The following COX7B2 variants were observed in gnomAD, a reference collection of about 807,000 sequenced individuals.
COX7B2 encodes cytochrome c oxidase subunit 7B2, mitochondrial.
For synonymous variants in COX7B2, 37 were observed against 32.1 expected (o/e 1.15, Z -0.51); for missense variants, 109 against 95.9 (o/e 1.14, Z -0.57).
At chr4:46,744,202 A>G (rs1271113784) in intron 2 of COX7B2, among the ~76,000 whole-genome samples, 1 of 151,612 alleles carries the variant, frequency 6.6e-6, no homozygotes, top group East Asian at 1.9e-4. Flanking sequence ...TCCGAGAAGG[A>G]TCCCCAGGCG....
chr4:46,734,908 G>A lies in COX7B2; in HGVS notation c.*39C>T, dbSNP rs1714261583. The A allele has an allele frequency of 1.8e-5, 29 of 1,612,780 alleles. No homozygotes were observed. The highest frequency in any genetic ancestry group is 2.5e-5 in the Non-Finnish European group (29 of 1,179,132). On this transcript the variant is annotated 3_prime_UTR_variant, in exon 3 of 3. Transcript: ENST00000355591. ...AGTAGAGTGCTTACATGACAAGTTG[G>A]TTTTTTAAACAATTCTGTCATTACA... is the stretch of plus-strand genomic sequence containing the variant.
intron 1 of COX7B2, among the ~76,000 whole-genome samples, chr4:46,854,490 T>C (rs1039020680): frequency 6.6e-6 from 1 of 152,216 alleles, no homozygotes; most frequent in Non-Finnish European, 1.5e-5. Flanking sequence ...CATTGCACAA[T>C]GCAGACACTT....
chr4:46,822,323 G>T (rs994663686), intron 2 of COX7B2, among the ~76,000 whole-genome samples: 8 of 151,952 alleles, frequency 5.3e-5, no homozygotes, highest in Non-Finnish European at 7.4e-5. Flanking sequence ...AAAAGTGAGA[G>T]ATTATAGCCG....
At chr4:46,826,719 A>T (rs1714722886) in intron 2 of COX7B2, among the ~76,000 whole-genome samples, 1 of 152,160 alleles carries the variant, frequency 6.6e-6, no homozygotes, top group Admixed American at 6.6e-5. Context: ...GGGAACATGG[A>T]TCGAGCTACA....
intron 2 of COX7B2, among the ~76,000 whole-genome samples, chr4:46,781,005 G>A (rs1717416005): frequency 6.6e-6 from 1 of 152,068 alleles, no homozygotes; most frequent in Non-Finnish European, 1.5e-5. Context: ...TCTACAGCTG[G>A]TAATGGATTT....
intron 1 of COX7B2, chr4:46,876,771 A>C (rs1718368211): frequency 6.6e-6 from 1 of 152,212 alleles, no homozygotes; most frequent in Non-Finnish European, 1.5e-5. Flanking sequence ...GAGAAATCTC[A>C]GCTGTGTTAA....
At chr4:46,794,103 T>C (rs1342252583) in intron 2 of COX7B2, among the ~76,000 whole-genome samples, 1 of 152,170 alleles carries the variant, frequency 6.6e-6, no homozygotes, top group East Asian at 1.9e-4. Context: ...AAAGGTGAGG[T>C]ACAAAGTATA....
chr4:46,845,080 A>G (rs1430819384), intron 1 of COX7B2, 66 bp from the exon 2 acceptor site: 1 of 152,086 alleles, frequency 6.6e-6, no homozygotes, highest in Non-Finnish European at 1.5e-5. Context: ...AGAGGTAAGT[A>G]CAGGCTATGT....
intron 2 of COX7B2, among the ~76,000 whole-genome samples, chr4:46,775,025 G>T (rs1717075249): frequency 2.0e-5 from 3 of 151,956 alleles, no homozygotes; most frequent in Admixed American, 2.0e-4. Flanking sequence ...AATAAAATTA[G>T]GTTTCTGTGG....
chr4:46,777,118 A>G (rs1300330327), intron 2 of COX7B2, among the ~76,000 whole-genome samples: 1 of 152,162 alleles, frequency 6.6e-6, no homozygotes, highest in African/African-American at 2.4e-5. Context: ...ATGGTCATTA[A>G]GGCTTACCAT....
chr4:46,846,652 G>A (rs1301507624), intron 1 of COX7B2, among the ~76,000 whole-genome samples: 3 of 151,822 alleles, frequency 2.0e-5, no homozygotes, highest in Non-Finnish European at 4.4e-5. Flanking sequence ...ATTCTGGAAT[G>A]GAATGAAAAA....
chr4:46,737,734 G>A (rs1015013390), intron 2 of COX7B2, among the ~76,000 whole-genome samples: 1 of 152,062 alleles, frequency 6.6e-6, no homozygotes, highest in African/African-American at 2.4e-5. Context: ...TCTGTCTTCA[G>A]CAATGACATA....
chr4:46,784,270 A>G (rs1046038336), intron 2 of COX7B2, among the ~76,000 whole-genome samples: 2 of 152,154 alleles, frequency 1.3e-5, no homozygotes, highest in Admixed American at 1.3e-4. Flanking sequence ...ATAATATACA[A>G]ATTTAATAAA....
intron 2 of COX7B2, among the ~76,000 whole-genome samples, chr4:46,809,006 TTGTC>T (rs1485903846): frequency 1.3e-5 from 2 of 151,884 alleles, no homozygotes; most frequent in Non-Finnish European, 3.0e-5. Flanking sequence ...TGTCATGTCT[TTGTC>T]TGACTTAGGT....
At position 46,871,661 on chromosome 4, in the gene COX7B2, G is replaced by C. The variant is rs1577680184; in HGVS notation, c.-104-26647C>G. Reference sequence around the variant, plus strand: ...CAAGAAAAAAAAAAAACATTGAAAAGTGGGCAAAAGACATGAACAGACACT... The same window carrying C: ...CAAGAAAAAAAAAAAACATTGAAAACTGGGCAAAAGACATGAACAGACACT... On this transcript the variant is annotated intron_variant, in intron 1 of 2. Coordinates refer to ENST00000355591, the MANE Select transcript of COX7B2 (RefSeq NM_130902.3). 2.0e-5 allele frequency among the ~76,000 whole-genome samples: 3 copies of C among 149,612 alleles called. No homozygotes were observed. In the East Asian group the frequency reaches 5.9e-4, roughly 29 times the overall value.
intron 2 of COX7B2, among the ~76,000 whole-genome samples, chr4:46,775,147 CCAGT>C (rs1294971367): frequency 6.6e-6 from 1 of 151,900 alleles, no homozygotes; most frequent in Admixed American, 6.6e-5. Flanking sequence ...ATATCATTTG[CCAGT>C]CAGATTCTTT....
At chr4:46,834,672 C>T (rs1237550135) in intron 2 of COX7B2, among the ~76,000 whole-genome samples, 2 of 152,046 alleles carry the variant, frequency 1.3e-5, no homozygotes, top group Non-Finnish European at 1.5e-5. Context: ...CTTGCCTTAT[C>T]AGTCCAATAT....
intron 1 of COX7B2, among the ~76,000 whole-genome samples, chr4:46,858,016 G>C (rs1049199645): frequency 1.3e-5 from 2 of 152,074 alleles, no homozygotes; most frequent in Admixed American, 1.3e-4. Context: ...TGGGGTTTTT[G>C]AATAACTTTA....
At chr4:46,790,480 C>T (rs1577708009) in intron 2 of COX7B2, among the ~76,000 whole-genome samples, 1 of 145,874 alleles carries the variant, frequency 6.9e-6, no homozygotes. Context: ...TAATTTATTA[C>T]TTATTATTGC....
Sources: allele counts gnomAD v4.1 joint callset (sites outside exome capture counted in the v4.1 genomes callset), GRCh38; gene constraint gnomAD v4.1.1; transcripts MANE v1.5; gene names NCBI Gene and HGNC (gene_info 2026-07-23, HGNC 2026-07-21).